The following CDK2 variants were observed in gnomAD, a reference collection of about 807,000 sequenced individuals.
The protein encoded by CDK2 is cyclin-dependent kinase 2.
CDK2 carries 8 observed loss-of-function variants against 35.0 expected under a neutral mutation model. The observed-to-expected ratio is 0.23, with a 90% CI of 0.13 to 0.41. CDK2 has a LOEUF of 0.41. Ranked by LOEUF, CDK2 falls within the 10% of genes least tolerant of loss-of-function variation. The pLI, the probability that CDK2 is intolerant of heterozygous loss-of-function variation, is 1.00. For synonymous variants in CDK2, 134 were observed against 137.7 expected, an observed-to-expected ratio of 0.97 and a Z score of 0.19; for missense variants, 201 against 367.1, an observed-to-expected ratio of 0.55 and a Z score of 3.70.
In CDK2 at chr12:55,968,957, C is replaced by G. The variant is rs762708782; in HGVS notation, c.486+9C>G. ...GTACTTACACCCATGAGGTGAGTCC[C>G]TTTATGTCTTTTTTCTCTGAGCTTC... On this transcript the variant is annotated intron_variant, in intron 4 of 6. Transcript: ENST00000266970. 1 of 1,550,794 alleles carries G rather than the reference C, an allele frequency of 6.4e-7. No homozygotes were observed. The highest frequency in any genetic ancestry group is 2.1e-5 in the Admixed American group (1 of 46,826).
rs112857084 is a variant in CDK2, at chr12:55,968,722, A to C, written c.316-56A>C. The C allele has an allele frequency of 1.7e-4, 236 of 1,409,110 alleles. 4 individuals are homozygous for C. In the African/African-American group the frequency reaches 3.0e-3, roughly 18 times the overall value. The allele number at this position is 1,409,110 out of a possible 1,614,324, so 87.3% of individuals were successfully genotyped here. On this transcript the variant is annotated intron_variant, in intron 3 of 6. Transcript: ENST00000266970. ...AGTAGAGTTTTAGGGGCACAGAGCA[A>C]ACCCAGTCTGCTCACTGTAATGGAG... is the stretch of plus-strand genomic sequence containing the variant.
intron 5 of CDK2, chr12:55,970,636 G>A (rs1347686823): frequency 2.8e-6 from 2 of 702,188 alleles, no homozygotes; most frequent in African/African-American, 1.7e-5. Context: ...GGTGCTGTGG[G>A]GAACACAGAA....
intron 1 of CDK2, chr12:55,967,367 C>T: frequency 1.9e-6 from 1 of 533,576 alleles, no homozygotes; most frequent in Non-Finnish European, 3.4e-6. Context: ...ATCGTGCCCC[C>T]AAATGTGCGA....
rs774760142 is a variant in CDK2 at position 55,971,091 on chromosome 12, C to T, written c.636C>T (p.Leu212=). 17 of 1,614,178 alleles carry T rather than the reference C, an allele frequency of 1.1e-5. No individual in the cohort carries two copies. The highest frequency in any genetic ancestry group is 1.6e-4 in the Middle Eastern group (1 of 6,062). Residue 212 remains leucine (L), a synonymous_variant, in exon 6 of 7, where the codon CTC becomes CTT. Coordinates refer to ENST00000266970, the MANE Select transcript of CDK2 (RefSeq NM_001798.5). ...LFPGDSEIDQ[L]FRIFRTLGTP... ...CTGGAGATTCTGAGATTGACCAGCT[C>T]TTCCGGATCTTTCGGACTCTGGGGA...
intron 5 of CDK2, 103 bp from the exon 6 acceptor site, chr12:55,970,941 G>A (rs780093163): frequency 3.1e-6 from 3 of 961,180 alleles, no homozygotes; most frequent in Admixed American, 3.4e-5. Context: ...GGAGTCATGG[G>A]GCCCTGCTGA....
At chr12:55,970,857 G>C in intron 5 of CDK2, 187 bp from the exon 6 acceptor site, 1 of 704,208 alleles carries the variant, frequency 1.4e-6, no homozygotes, top group Non-Finnish European at 2.6e-6. Flanking sequence ...AGGAAGGAGG[G>C]GGCGAGGAGA....
chr12:55,970,783 C>A (rs1228226826), intron 5 of CDK2: 1 of 698,604 alleles, frequency 1.4e-6, no homozygotes, highest in Admixed American at 2.0e-5. Context: ...CAGTGGCACC[C>A]CAGACATTCA....
intron 5 of CDK2, 136 bp downstream of exon 5, chr12:55,969,712 A>G: frequency 2.0e-6 from 1 of 499,964 alleles, no homozygotes. Flanking sequence ...ACCAAGGGGA[A>G]TGGTGGGAAA....
At position 55,968,034 on chromosome 12, in the gene CDK2, A is replaced by C; in HGVS notation, c.195-15A>C. 2 of 1,614,036 alleles carry C rather than the reference A, an allele frequency of 1.2e-6. No individual in the cohort carries two copies. Among genetic ancestry groups the C allele is most frequent in the Non-Finnish European group, 1.7e-6 (2 of 1,179,970 alleles). On this transcript the variant is annotated splice_polypyrimidine_tract_variant and intron_variant, in intron 2 of 6. Coordinates refer to ENST00000266970, the MANE Select transcript of CDK2 (RefSeq NM_001798.5). ...CTCTCACACACCTCCATTTCCTCAA[A>C]CTTTCCTTCTCTAGGCTGCTGGATG...
At chr12:55,970,909 C>T in intron 5 of CDK2, 135 bp from the exon 6 acceptor site, 2 of 788,650 alleles carry the variant, frequency 2.5e-6, no homozygotes, top group Admixed American at 1.8e-5. Context: ...GTGTGACTGA[C>T]CCCATGAAAG....
rs1309425149 is a variant in CDK2 at position 55,968,859 on chromosome 12, C to A, written c.397C>A (p.Leu133Met). 6.2e-7 allele frequency: 1 copy of A among 1,613,196 alleles called. No individual in the cohort carries two copies. The highest frequency in any genetic ancestry group is 1.1e-5 in the South Asian group (1 of 90,954). The change falls in exon 4 of 7, where the codon CTG becomes ATG. Residue 133 changes from leucine (L) to methionine (M), a missense_variant. Around this residue, in one of 5 missense-constraint regions of CDK2, gnomAD observed 47 missense variants for 59.5 expected, o/e 0.79. Coordinates refer to ENST00000266970, the MANE Select transcript of CDK2 (RefSeq NM_001798.5). ...VLHRDLKPQN[L>M]LINTEGAIKL... ...CCACCGAGACCTTAAACCTCAGAATCTGCTTATTAACACAGAGGGGGCCAT... is the reference window on the plus strand; with the variant it reads ...CCACCGAGACCTTAAACCTCAGAATATGCTTATTAACACAGAGGGGGCCAT...
chr12:55,968,217 C>G (rs772956348), intron 3 of CDK2, 48 bp downstream of exon 3: 1 of 1,605,768 alleles, frequency 6.2e-7, no homozygotes, highest in Non-Finnish European at 8.5e-7. Context: ...TCTTGGGGGA[C>G]TGGTGGCAGG....
intron 4 of CDK2, 67 bp downstream of exon 4, chr12:55,969,015 T>C (rs1404099950): frequency 2.5e-6 from 3 of 1,203,506 alleles, no homozygotes; most frequent in Non-Finnish European, 3.5e-6. Context: ...TTCACAAAGT[T>C]ACTAAAAATA....
chr12:55,971,259 C>T lies in CDK2; in HGVS notation c.792+12C>T. The T allele has an allele frequency of 1.9e-6, 3 of 1,611,088 alleles. No individual in the cohort carries two copies. Among genetic ancestry groups the T allele is most frequent in the Middle Eastern group, 3.3e-4 (2 of 6,056 alleles). ...GGAGCTTGTTATCGGTGAGAGTGGG[C>T]ACCTGTTTTCCCTCATTCATTTCTC... On this transcript the variant is annotated intron_variant, in intron 6 of 6. Coordinates refer to ENST00000266970, the MANE Select transcript of CDK2 (RefSeq NM_001798.5).
chr12:55,969,638 A>C, intron 5 of CDK2, 62 bp downstream of exon 5: 1 of 911,540 alleles, frequency 1.1e-6, no homozygotes, highest in Non-Finnish European at 1.7e-6. Flanking sequence ...TCCAAGAACA[A>C]CAGAACTGCT....
Position 55,972,733 on chromosome 12 carries a change from G to C in CDK2, c.*1108G>C, listed in dbSNP as rs1019043679. 6.7e-6 allele frequency: 1 copy of C among 150,046 alleles called. No homozygotes were observed. Among genetic ancestry groups the C allele is most frequent in the African/African-American group, 2.5e-5 (1 of 40,710 alleles). The allele number at this position is 150,046 out of a possible 1,614,324, so 9.3% of individuals were successfully genotyped here. The stretch of plus-strand genomic sequence containing the variant: ...GTCCTTGAGTGCTCTTGCTATTAAC[G>C]TTATTTGTAATTTAGTTTGTAGCTC... On this transcript the variant is annotated 3_prime_UTR_variant, in exon 7 of 7. Transcript: ENST00000266970.
In CDK2 at chr12:55,971,800, T is replaced by C; in HGVS notation, c.*175T>C. 1.8e-6 allele frequency: 1 copy of C among 571,262 alleles called. No individual in the cohort carries two copies. The highest frequency in any genetic ancestry group is 2.2e-5 in the South Asian group (1 of 45,010). The allele number at this position is 571,262 out of a possible 1,614,324, so 35.4% of individuals were successfully genotyped here. A position where few individuals can be genotyped will look rare whatever the true frequency, so the allele number is the denominator to read the frequency against. ...TACAGGGGTGAAAGGGGGGAACCAGTGAAAATGAAAGGAAGTTTCAGTATT... is the reference window on the plus strand; with the variant it reads ...TACAGGGGTGAAAGGGGGGAACCAGCGAAAATGAAAGGAAGTTTCAGTATT... On this transcript the variant is annotated 3_prime_UTR_variant, in exon 7 of 7. Coordinates refer to ENST00000266970, the MANE Select transcript of CDK2 (RefSeq NM_001798.5).
Position 55,968,834 on chromosome 12 carries a change from C to A in CDK2, c.372C>A (p.Leu124=). 1.9e-6 allele frequency: 3 copies of A among 1,612,506 alleles called. No homozygotes were observed. Among genetic ancestry groups the A allele is most frequent in the Non-Finnish European group, 2.5e-6 (3 of 1,179,440 alleles). The change falls in exon 4 of 7, where the codon CTC becomes CTA. Residue 124 remains leucine (L), a synonymous_variant. Coordinates refer to ENST00000266970, the MANE Select transcript of CDK2 (RefSeq NM_001798.5). ...CTTTCTGCCATTCTCATCGGGTCCT[C>A]CACCGAGACCTTAAACCTCAGAATC... ...GLAFCHSHRV[L]HRDLKPQNLL...
intron 6 of CDK2, 86 bp from the exon 7 acceptor site, chr12:55,971,435 T>A: frequency 8.4e-7 from 1 of 1,192,408 alleles, no homozygotes; most frequent in Non-Finnish European, 1.2e-6. Flanking sequence ...GTAGAAGGAG[T>A]TCTGGTTTCC....
Sources: allele counts gnomAD v4.1 joint callset, GRCh38; gene constraint gnomAD v4.1.1; regional missense constraint gnomAD v4.1.1; transcripts MANE v1.5; gene names NCBI Gene and HGNC (gene_info 2026-07-23, HGNC 2026-07-21).